DNM1: variants seen among roughly 807,000 people sequenced by gnomAD.
The protein encoded by DNM1 is dynamin-1.
Under a neutral mutation model 104.6 loss-of-function variants are expected in DNM1, and 29 were observed. The observed-to-expected ratio is 0.28, with a 90% CI of 0.21 to 0.38. The LOEUF (loss-of-function observed/expected upper bound fraction) is 0.38. Among genes scored for constraint, DNM1 ranks in the 10% least tolerant of loss-of-function variants. The pLI, the probability that DNM1 is intolerant of heterozygous loss-of-function variation, is 1.00. For missense variants in DNM1, 640 were observed against 1,189.4 expected, an observed-to-expected ratio of 0.54 and a Z score of 6.79; for synonymous variants, 445 against 475.8, an observed-to-expected ratio of 0.94 and a Z score of 0.84.
chr9:128,217,066 G>A (rs1013544584), intron 1 of DNM1, among the ~76,000 whole-genome samples: 1 of 152,212 alleles, frequency 6.6e-6, no homozygotes, highest in African/African-American at 2.4e-5. Context: ...ACCCACAAGA[G>A]TCAGCCAAAA....
chr9:128,220,047 C>T lies in DNM1; in HGVS notation c.649C>T (p.Arg217Cys), dbSNP rs1299220134. 1 of 1,609,696 alleles carries T rather than the reference C, an allele frequency of 6.2e-7. No homozygotes were observed. Among genetic ancestry groups the T allele is most frequent in the Non-Finnish European group, 8.5e-7 (1 of 1,177,822 alleles). ...LDLMDEGTDA[R>C]DVLENKLLPL... ...CCTGATGGACGAGGGCACAGATGCCCGTGATGTGCTGGAGAACAAGCTGCT... is the reference window on the plus strand; with the variant it reads ...CCTGATGGACGAGGGCACAGATGCCTGTGATGTGCTGGAGAACAAGCTGCT... The change falls in exon 5 of 22, where the codon CGT becomes TGT. Residue 217 changes from arginine to cysteine, a missense_variant. Arg to Cys is a radical substitution (Grantham distance 180, BLOSUM62 -3). Transcript: ENST00000372923. The surrounding 1 kb of genome is among the most constrained non-coding windows in gnomAD (Gnocchi z 5.2).
At position 128,224,726 on chromosome 9, in the gene DNM1, T is replaced by C. The variant is rs1397866743; in HGVS notation, c.1335+337T>C. Among the ~76,000 whole-genome samples the C allele has an allele frequency of 6.8e-6, 1 of 146,508 alleles. No individual in the cohort carries two copies. Among genetic ancestry groups the C allele is most frequent in the Non-Finnish European group, 1.5e-5 (1 of 66,658 alleles). Reference sequence around the variant, plus strand: ...TCCCTGTCCTCGGAGGTGTCATCTTTGGGAGCTCCAGGGAGGGGTCTGGGG... The same window carrying C: ...TCCCTGTCCTCGGAGGTGTCATCTTCGGGAGCTCCAGGGAGGGGTCTGGGG... On this transcript the variant is annotated intron_variant, in intron 10 of 21. Transcript: ENST00000372923. This position sits in a 1 kb window ranked among gnomAD's most constrained non-coding sequence, Gnocchi z 4.3.
In DNM1 at chr9:128,218,355, C is replaced by T; in HGVS notation, c.235+51C>T. The T allele has an allele frequency of 6.3e-7, 1 of 1,598,722 alleles. No homozygotes were observed. Among genetic ancestry groups the T allele is most frequent in the Non-Finnish European group, 8.6e-7 (1 of 1,166,014 alleles). The stretch of plus-strand genomic sequence containing the variant: ...CAGGCCTGCCCACTCCAGCCTCTCC[C>T]CCGTCCCCAAGCTGAGGGCCAGCCT... On this transcript the variant is annotated intron_variant, in intron 2 of 21. Coordinates refer to ENST00000372923, the MANE Select transcript of DNM1 (RefSeq NM_004408.4). The surrounding 1 kb of genome is among the most constrained non-coding windows in gnomAD (Gnocchi z 4.8).
chr9:128,234,085 G>A lies in DNM1; in HGVS notation c.1400G>A (p.Arg467His), dbSNP rs1372243765. The A allele has an allele frequency of 1.9e-6, 3 of 1,569,734 alleles. No homozygotes were observed. The highest frequency in any genetic ancestry group is 2.6e-6 in the Non-Finnish European group (3 of 1,158,218). The change falls in exon 11 of 22, where the codon CGC becomes CAC. Residue 467 changes from arginine to histidine, a missense_variant. Arg to His is a conservative substitution (Grantham distance 29). Transcript: ENST00000372923. Reference sequence around the variant, plus strand: ...ATCGTGACCACCCACATCCGGGAGCGCGAGGGCCGCACTAAGGAGCAGGTG... The same window carrying A: ...ATCGTGACCACCCACATCCGGGAGCACGAGGGCCGCACTAAGGAGCAGGTG... ...ERIVTTHIRE[R>H]EGRTKEQVML...
intron 11 of DNM1, among the ~76,000 whole-genome samples, chr9:128,235,886 A>T (rs997144273): frequency 6.6e-6 from 1 of 152,012 alleles, no homozygotes; most frequent in African/African-American, 2.4e-5. Flanking sequence ...GGCTAATTTT[A>T]AAATTTTTTT....
At chr9:128,233,931 G>A (rs772056666) in intron 10 of DNM1, 90 bp from the exon 11 acceptor site, 13 of 1,191,002 alleles carry the variant, frequency 1.1e-5, no homozygotes, top group Non-Finnish European at 1.5e-5. Flanking sequence ...CTCCCACCCT[G>A]CGCCGCGGAT....
chr9:128,222,874 C>A lies in DNM1; in HGVS notation c.1196+14C>A. 1.2e-6 allele frequency: 2 copies of A among 1,613,670 alleles called. No individual in the cohort carries two copies. The highest frequency in any genetic ancestry group is 1.7e-6 in the Non-Finnish European group (2 of 1,179,784). ...CCATGGCATTAGGCACGTATTGGGG[C>A]CTGGGAGGGTGGCTGAACCCCAGAA... is the stretch of plus-strand genomic sequence containing the variant. On this transcript the variant is annotated intron_variant, in intron 9 of 21. Transcript: ENST00000372923. The surrounding 1 kb of genome is among the most constrained non-coding windows in gnomAD (Gnocchi z 7.8).
At chr9:128,223,152 C>T in intron 9 of DNM1, 2 of 423,284 alleles carry the variant, frequency 4.7e-6, no homozygotes, top group South Asian at 5.3e-5. Context: ...GATAGCTCCC[C>T]CAGTGCCACC....
intron 10 of DNM1, chr9:128,233,429 C>G (rs2131224026): frequency 6.5e-6 from 1 of 153,838 alleles, no homozygotes; most frequent in Middle Eastern, 3.4e-3. Context: ...GTGTTTCCTG[C>G]ATGTCCTCTG....
chr9:128,222,524 C>T lies in DNM1; in HGVS notation c.1056C>T (p.Asp352=), dbSNP rs1159422215. 1 of 1,614,180 alleles carries T rather than the reference C, an allele frequency of 6.2e-7. No homozygotes were observed. The highest frequency in any genetic ancestry group is 1.7e-5 in the Admixed American group (1 of 60,032). ...TTGAGGGCTCAGGAGATCAGATCGA[C>T]ACCTACGAACTGTCAGGGGGAGCCC... ...KRIEGSGDQI[D]TYELSGGARI... is the part of the protein sequence containing the mutation. Residue 352 remains aspartate, a synonymous_variant, in exon 8 of 22, where the codon GAC becomes GAT. Transcript: ENST00000372923. The surrounding 1 kb of genome is among the most constrained non-coding windows in gnomAD (Gnocchi z 7.8).
intron 11 of DNM1, among the ~76,000 whole-genome samples, chr9:128,238,208 C>CTGTT (rs59218725): frequency 0.045 from 6,824 of 151,434 alleles, 169 homozygotes; most frequent in Non-Finnish European, 0.056. Flanking sequence ...TAAAAAGCCT[C>CTGTT]TGTTTGTTTG....
At chr9:128,227,710 T>C (rs1171896083) in intron 10 of DNM1, among the ~76,000 whole-genome samples, 1 of 152,220 alleles carries the variant, frequency 6.6e-6, no homozygotes. Context: ...TACTGAGTTG[T>C]ATTCCACTGT....
rs1836302332 is a variant in DNM1, at chr9:128,240,598, G to A, written c.1557+602G>A. The A allele has an allele frequency of 6.5e-6, 1 of 152,876 alleles. No individual in the cohort carries two copies. The highest frequency in any genetic ancestry group is 1.5e-5 in the Non-Finnish European group (1 of 68,600). The allele number at this position is 152,876 out of a possible 1,614,324, so 9.5% of individuals were successfully genotyped here. On this transcript the variant is annotated intron_variant, in intron 14 of 21. Coordinates refer to ENST00000372923, the MANE Select transcript of DNM1 (RefSeq NM_004408.4). The surrounding 1 kb of genome is among the most constrained non-coding windows in gnomAD (Gnocchi z 5.1). ...TATTTCCTTCCCAGGCCCCATAAGG[G>A]GAGGGCTGAGTCTGTCCCGTTTATC...
chr9:128,243,251 A>G lies in DNM1; in HGVS notation c.1671+906A>G, dbSNP rs1416923026. 6.6e-6 allele frequency among the ~76,000 whole-genome samples: 1 copy of G among 151,970 alleles called. No individual in the cohort carries two copies. The highest frequency in any genetic ancestry group is 2.4e-5 in the African/African-American group (1 of 41,376). ...AAGAATGAGTCTATTTGGCTTTCAC[A>G]TCTGGATTCCAGAGGTGACCAGAGA... On this transcript the variant is annotated intron_variant, in intron 15 of 21. Transcript: ENST00000372923. This position sits in a 1 kb window ranked among gnomAD's most constrained non-coding sequence, Gnocchi z 4.0.
At position 128,254,593 on chromosome 9, in the gene DNM1, T is replaced by G. The variant is rs572711429; in HGVS notation, c.2535-61T>G. The stretch of plus-strand genomic sequence containing the variant: ...GCCCCGGCCGTGTGCTGCGCTTGCC[T>G]TACCAGCTCTCTCCTCGCTTTTCTC... On this transcript the variant is annotated intron_variant, in intron 21 of 21. Coordinates refer to ENST00000372923, the MANE Select transcript of DNM1 (RefSeq NM_004408.4). This position sits in a 1 kb window ranked among gnomAD's most constrained non-coding sequence, Gnocchi z 6.1. 10 of 1,502,126 alleles carry G rather than the reference T, an allele frequency of 6.7e-6. No individual in the cohort carries two copies. In the Admixed American group the frequency reaches 1.8e-4, roughly 26 times the overall value. 93.0% of individuals were successfully genotyped at this position (1,502,126 alleles called of 1,614,324 possible).
At position 128,248,030 on chromosome 9, in the gene DNM1, T is replaced by A. The variant is rs1473834764; in HGVS notation, c.1905+95T>A. On this transcript the variant is annotated intron_variant, in intron 18 of 21. Transcript: ENST00000372923. This position sits in a 1 kb window ranked among gnomAD's most constrained non-coding sequence, Gnocchi z 5.6. Reference sequence around the variant, plus strand: ...AGCAAGGGACCTGGAGATGTTCTTTTCTAATTTCTGGATTGGGGCCAGGCG... The same window carrying A: ...AGCAAGGGACCTGGAGATGTTCTTTACTAATTTCTGGATTGGGGCCAGGCG... 6.4e-7 allele frequency: 1 copy of A among 1,563,568 alleles called. No individual in the cohort carries two copies. The highest frequency in any genetic ancestry group is 8.8e-7 in the Non-Finnish European group (1 of 1,135,142).
rs1293777132 is a variant in DNM1, at chr9:128,220,282, T to A, written c.790T>A (p.Ser264Thr). Residue 264 changes from serine to threonine, a missense_variant, in exon 6 of 22, where the codon TCT (serine) becomes ACT (threonine). Ser to Thr is a moderately conservative substitution (Grantham distance 58). Coordinates refer to ENST00000372923, the MANE Select transcript of DNM1 (RefSeq NM_004408.4). The surrounding 1 kb of genome is among the most constrained non-coding windows in gnomAD (Gnocchi z 5.2). ...ACGAAAGTTCTTCCTCTCCCATCCATCTTATCGCCACTTGGCTGACCGTAT... is the reference window on the plus strand; with the variant it reads ...ACGAAAGTTCTTCCTCTCCCATCCAACTTATCGCCACTTGGCTGACCGTAT... ...AERKFFLSHP[S>T]YRHLADRMGT... 3 of 1,614,218 alleles carry A rather than the reference T, an allele frequency of 1.9e-6. No individual in the cohort carries two copies. In the South Asian group the frequency reaches 3.3e-5, roughly 18 times the overall value.
rs373839740 is a variant in DNM1, at chr9:128,248,536, T to C, written c.1906-47T>C. 2.3e-5 allele frequency: 36 copies of C among 1,594,920 alleles called. No individual in the cohort carries two copies. Among genetic ancestry groups the C allele is most frequent in the Middle Eastern group, 1.7e-4 (1 of 6,000 alleles). ...TGAGATCCTGGGGATGCCTGGAGCC[T>C]GGCTGCATGGCCTGGCCACCTGATG... is the stretch of plus-strand genomic sequence containing the variant. On this transcript the variant is annotated intron_variant, in intron 18 of 21. Transcript: ENST00000372923. This position sits in a 1 kb window ranked among gnomAD's most constrained non-coding sequence, Gnocchi z 5.6.
In DNM1 at chr9:128,239,720, C is replaced by A; in HGVS notation, c.1494-8C>A. The A allele has an allele frequency of 6.2e-7, 1 of 1,612,930 alleles. No homozygotes were observed. The highest frequency in any genetic ancestry group is 1.3e-5 in the African/African-American group (1 of 74,948). ...AAGTTCTGAGACTCCTCCCCTCCCT[C>A]CCATTAGTGCTCAGCAGAGGAGCAA... On this transcript the variant is annotated splice_region_variant and splice_polypyrimidine_tract_variant and intron_variant, in intron 12 of 21. Coordinates refer to ENST00000372923, the MANE Select transcript of DNM1 (RefSeq NM_004408.4).
Sources: allele counts gnomAD v4.1 joint callset (sites outside exome capture counted in the v4.1 genomes callset), GRCh38; gene constraint gnomAD v4.1.1; non-coding constraint Gnocchi (gnomAD v3.1); transcripts MANE v1.5; gene names NCBI Gene and HGNC (gene_info 2026-07-23, HGNC 2026-07-21).